The following ACLY variants were observed in gnomAD, a reference collection of about 807,000 sequenced individuals.
ACLY encodes the protein ATP-citrate synthase.
In ACLY, 41 loss-of-function variants were observed where a neutral mutation model predicts 133.0. The observed-to-expected ratio is 0.31, with a 90% CI of 0.24 to 0.40. The LOEUF is 0.40. Ranked by LOEUF, ACLY falls within the 10% of genes least tolerant of loss-of-function variation. The probability of loss-of-function intolerance (pLI) is 1.00; values close to 1 mark genes in which losing one functional copy is unlikely to be tolerated. For synonymous variants in ACLY, 495 were observed against 549.3 expected (o/e 0.90, Z 1.38); for missense variants, 1,046 against 1,453.8 (o/e 0.72, Z 4.56).
At position 41,901,719 on chromosome 17, in the gene ACLY, C is replaced by A. The variant is rs781816650; in HGVS notation, c.1160G>T (p.Gly387Val). 1 of 1,611,244 alleles carries A rather than the reference C, an allele frequency of 6.2e-7. No individual in the cohort carries two copies. Among genetic ancestry groups the A allele is most frequent in the South Asian group, 1.1e-5 (1 of 90,796 alleles). Residue 387 changes from glycine (G) to valine (V), a missense_variant, in exon 11 of 29, where the codon GGC becomes GTC. This residue lies in a region of ACLY where 575 missense variants were observed against 804.2 expected (regional missense o/e 0.71). Transcript: ENST00000352035. Reference protein sequence around the residue: ...VRRGGPNYQEGLRVMGEVGKT... With the variant: ...VRRGGPNYQEVLRVMGEVGKT... ...ACCGACTTCTCCCATCACCCGTAAGCCCTCCTGATAGTTGGGGCCACCTCT... is the reference window on the plus strand; with the variant it reads ...ACCGACTTCTCCCATCACCCGTAAGACCTCCTGATAGTTGGGGCCACCTCT...
intron 8 of ACLY, 71 bp downstream of exon 8, chr17:41,906,457 C>T: frequency 1.5e-6 from 2 of 1,358,494 alleles, no homozygotes; most frequent in South Asian, 2.4e-5. Context: ...GGACCCCACC[C>T]ACCCAGGCTA....
At chr17:41,927,123 C>G (rs1356886644) in intron 1 of ACLY, among the ~76,000 whole-genome samples, 2 of 152,230 alleles carry the variant, frequency 1.3e-5, no homozygotes, top group East Asian at 3.8e-4. Context: ...CCACCTCAGC[C>G]TCCCAAAGTA....
chr17:41,921,559 G>A (rs1034061353), upstream of ACLY, among the ~76,000 whole-genome samples: 1 of 152,078 alleles, frequency 6.6e-6, no homozygotes, highest in Non-Finnish European at 1.5e-5. Context: ...GGGAGGCCAG[G>A]TGCATAGGCT....
At chr17:41,900,956 TTTC>T (rs1326798877) in intron 11 of ACLY, among the ~76,000 whole-genome samples, 1 of 151,768 alleles carries the variant, frequency 6.6e-6, no homozygotes, top group African/African-American at 2.4e-5. Flanking sequence ...TTTTCTTTTC[TTTC>T]TTCTTTTTTT....
At chr17:41,900,871 T>C (rs1163337759) in intron 11 of ACLY, among the ~76,000 whole-genome samples, 1 of 152,142 alleles carries the variant, frequency 6.6e-6, no homozygotes, top group Admixed American at 6.5e-5. Flanking sequence ...CTGCAGGGTA[T>C]GGGAATTTGC....
chr17:41,869,416 T>G (rs2048542265), intron 26 of ACLY, 58 bp downstream of exon 26: 1 of 1,390,156 alleles, frequency 7.2e-7, no homozygotes, highest in South Asian at 1.2e-5. Context: ...ACGTGGCTCC[T>G]GTTTCCTCCA....
chr17:41,870,328 G>A (rs1445115534), intron 25 of ACLY: 1 of 152,310 alleles, frequency 6.6e-6, no homozygotes, highest in Non-Finnish European at 1.5e-5. Flanking sequence ...GCAAGTCCTG[G>A]ATGGAATGTC....
At chr17:41,917,215 C>T (rs1256587467) in intron 1 of ACLY, among the ~76,000 whole-genome samples, 2 of 151,946 alleles carry the variant, frequency 1.3e-5, no homozygotes, top group African/African-American at 2.4e-5. Context: ...GGTTTGGGAC[C>T]GCTCCCCAGA....
Position 41,909,533 on chromosome 17 carries a change from G to A in ACLY, c.513C>T (p.Val171=). 6.2e-7 allele frequency: 1 copy of A among 1,614,132 alleles called. No individual in the cohort carries two copies. The highest frequency in any genetic ancestry group is 1.1e-5 in the South Asian group (1 of 91,070). The change falls in exon 5 of 29, where the codon GTC becomes GTT. Residue 171 remains valine (V), a synonymous_variant. Transcript: ENST00000352035. ...ACTCTTTCTTGTCTTCAGGGGCGTG[G>A]ACCAACAGGTGTTTTTTGATGTCCT... is the stretch of plus-strand genomic sequence containing the variant. The part of the protein sequence containing the change: ...NPEDIKKHLL[V]HAPEDKKEIL...
intron 13 of ACLY, among the ~76,000 whole-genome samples, chr17:41,896,894 C>T (rs562970665): frequency 6.6e-6 from 1 of 152,238 alleles, no homozygotes; most frequent in African/African-American, 2.4e-5. Context: ...AGGAGGAGGA[C>T]AAAGGCTGGG....
At chr17:41,884,093 C>A in intron 19 of ACLY, 100 bp downstream of exon 19, 1 of 702,300 alleles carries the variant, frequency 1.4e-6, no homozygotes, top group South Asian at 1.7e-5. Context: ...CAGGGACTGT[C>A]CCTTTAAGTT....
At chr17:41,898,448 G>T (rs1459988523) in intron 12 of ACLY, among the ~76,000 whole-genome samples, 183 bp downstream of exon 12, 1 of 152,184 alleles carries the variant, frequency 6.6e-6, no homozygotes, top group East Asian at 1.9e-4. Flanking sequence ...AAAATCCTTT[G>T]TCCTTCCATT....
intron 22 of ACLY, among the ~76,000 whole-genome samples, chr17:41,877,362 C>T (rs184559147): frequency 1.3e-5 from 2 of 151,700 alleles, no homozygotes; most frequent in Non-Finnish European, 2.9e-5. Context: ...AGCCTGGTCT[C>T]GAACTTTTGA....
intron 20 of ACLY, among the ~76,000 whole-genome samples, chr17:41,880,513 T>C (rs1405227750): frequency 6.6e-6 from 1 of 152,148 alleles, no homozygotes; most frequent in Admixed American, 6.6e-5. Context: ...TTCTTGTAAC[T>C]CTGGATTTCT....
At chr17:41,868,013 C>T in intron 28 of ACLY, 109 bp from the exon 29 acceptor site, 1 of 715,866 alleles carries the variant, frequency 1.4e-6, no homozygotes, top group Non-Finnish European at 2.3e-6. Context: ...AGACACAAAG[C>T]AGTGGGAAGT....
chr17:41,868,415 T>A (rs2144185762), intron 28 of ACLY, among the ~76,000 whole-genome samples: 1 of 119,618 alleles, frequency 8.4e-6, no homozygotes, highest in South Asian at 2.8e-4. Flanking sequence ...TCCAGCCTGG[T>A]GACAGAGCAA....
intron 20 of ACLY, among the ~76,000 whole-genome samples, chr17:41,881,411 C>T (rs1236480607): frequency 8.8e-5 from 11 of 124,378 alleles, no homozygotes; most frequent in African/African-American, 2.3e-4. Flanking sequence ...CGAGAGACTC[C>T]GTCTCAAAAA....
intron 18 of ACLY, 26 bp from the exon 19 acceptor site, chr17:41,884,300 T>C (rs782498846): frequency 8.0e-6 from 12 of 1,502,530 alleles, no homozygotes; most frequent in Middle Eastern, 1.7e-4. Flanking sequence ...AGTATCAGGA[T>C]ACAGGATCAG....
intron 3 of ACLY, 22 bp from the exon 4 acceptor site, chr17:41,910,306 T>G (rs376750482): frequency 1.2e-6 from 2 of 1,609,970 alleles, no homozygotes; most frequent in African/African-American, 2.7e-5. Context: ...TTGAGGGAGA[T>G]GAAACTCAGA....
Sources: gnomAD v4.1 joint callset for allele counts (sites outside exome capture counted in the v4.1 genomes callset) on GRCh38, gnomAD v4.1.1 for gene constraint, gnomAD v4.1.1 regional missense constraint, MANE v1.5 for transcripts, NCBI Gene and HGNC (gene_info 2026-07-23, HGNC 2026-07-21) for gene names.